TRMT9B: variants seen among roughly 807,000 people sequenced by gnomAD.
The protein encoded by TRMT9B is probable tRNA methyltransferase 9B.
A neutral mutation model predicts 11.5 loss-of-function variants in TRMT9B; 16 were observed. The observed-to-expected ratio is 1.39, with a 90% confidence interval of 0.94 to 2.11. The LOEUF (loss-of-function observed/expected upper bound fraction) is 2.11, where lower values mean the gene tolerates loss of function less well. Ranked by LOEUF, TRMT9B falls within the 30% of genes most tolerant of loss-of-function variation. The pLI, the probability that TRMT9B is intolerant of heterozygous loss-of-function variation, is 0.00. For synonymous variants in TRMT9B, 274 were observed against 192.4 expected, an observed-to-expected ratio of 1.42 and a Z score of -3.51; for missense variants, 941 against 553.8, an observed-to-expected ratio of 1.70 and a Z score of -7.02.
At chr8:12,998,409 A>C (rs1563391906) in intron 2 of TRMT9B, among the ~76,000 whole-genome samples, 1 of 152,218 alleles carries the variant, frequency 6.6e-6, no homozygotes, top group Non-Finnish European at 1.5e-5. Context: ...AACTGTTCTA[A>C]AGCCACGTGT....
At chr8:12,981,060 G>A (rs1805289164) in intron 1 of TRMT9B, among the ~76,000 whole-genome samples, 1 of 142,124 alleles carries the variant, frequency 7.0e-6, no homozygotes, top group African/African-American at 2.7e-5. Context: ...TTCCTTTTCT[G>A]GTGGTTTTGT....
intron 1 of TRMT9B, among the ~76,000 whole-genome samples, chr8:12,980,200 A>C (rs573134300): frequency 6.6e-6 from 1 of 152,156 alleles, no homozygotes; most frequent in South Asian, 2.1e-4. Context: ...CTCCCTTTGA[A>C]TTCTCCACAG....
In TRMT9B at chr8:12,957,737, C is replaced by T. The variant is rs571521247; in HGVS notation, c.-200+11771C>T. Among the ~76,000 whole-genome samples the T allele has an allele frequency of 6.9e-4, 105 of 152,302 alleles. 1 individual carries two copies. Among genetic ancestry groups the T allele is most frequent in the African/African-American group, 2.4e-3 (98 of 41,576 alleles). On this transcript the variant is annotated intron_variant, in intron 1 of 4. Transcript: ENST00000524591. The stretch of plus-strand genomic sequence containing the variant: ...TAGTATTATAGCTTGATTGCATTAA[C>T]TGCAACATTGATTTTAAAAAATTGT...
intron 4 of TRMT9B, among the ~76,000 whole-genome samples, chr8:13,013,065 C>A (rs1342508369): frequency 6.6e-6 from 1 of 152,180 alleles, no homozygotes; most frequent in Non-Finnish European, 1.5e-5. Context: ...ACTATTTAAA[C>A]CTTCAACTTG....
chr8:13,013,292 G>A (rs139210051), intron 4 of TRMT9B, among the ~76,000 whole-genome samples: 3 of 152,236 alleles, frequency 2.0e-5, no homozygotes, highest in Admixed American at 6.5e-5. Context: ...ATGTCACCTG[G>A]ACCAATCTGC....
At chr8:12,987,832 C>G (rs144419423) in intron 1 of TRMT9B, among the ~76,000 whole-genome samples, 105 of 152,314 alleles carry the variant, frequency 6.9e-4, no homozygotes, top group African/African-American at 2.2e-3. Flanking sequence ...ACTGTCAAAT[C>G]TCAGTTGTCT....
intron 1 of TRMT9B, among the ~76,000 whole-genome samples, chr8:12,977,544 T>C (rs536698623): frequency 1.6e-3 from 250 of 151,844 alleles, no homozygotes; most frequent in African/African-American, 5.9e-3. Flanking sequence ...CTACTAAAAA[T>C]ACAAAAATTA....
At position 13,006,755 on chromosome 8, in the gene TRMT9B, G is replaced by C. The variant is rs369152150; in HGVS notation, c.154+399G>C. 2.8e-4 allele frequency: 223 copies of C among 787,306 alleles called. No homozygotes were observed. The African/African-American group carries it at 3.7e-3, about 13-fold the overall frequency. The allele number at this position is 787,306 out of a possible 1,614,324, so 48.8% of individuals were successfully genotyped here. A position where few individuals can be genotyped will look rare whatever the true frequency, so the allele number is the denominator to read the frequency against. On this transcript the variant is annotated intron_variant, in intron 3 of 4. Transcript: ENST00000524591. ...GCAATCTCAGCTTGCTGCAAACTCC[G>C]CCTCCCAGGTTCAACTGATTCTCCT...
chr8:13,024,723 CG>C lies in TRMT9B; in HGVS notation c.*2680del, dbSNP rs779906371. On this transcript the variant is annotated 3_prime_UTR_variant, in exon 5 of 5. Transcript: ENST00000524591. The stretch of plus-strand genomic sequence containing the variant: ...CTTTGGAGAGAAATATTTTCATGTA[CG>C]TTTGACAGGGGTGTAAATAAAGCAT... 116 of 167,134 alleles carry C rather than the reference CG, an allele frequency of 6.9e-4. No individual in the cohort carries two copies. In the Middle Eastern group the frequency reaches 0.017, roughly 24 times the overall value. The allele number at this position is 167,134 out of a possible 1,614,324, so 10.4% of individuals were successfully genotyped here.
chr8:12,967,756 C>T (rs1169986883), intron 1 of TRMT9B, among the ~76,000 whole-genome samples: 1 of 152,134 alleles, frequency 6.6e-6, no homozygotes, highest in Admixed American at 6.5e-5. Flanking sequence ...TAGTGATGGT[C>T]AGTATGAAAG....
intron 1 of TRMT9B, among the ~76,000 whole-genome samples, chr8:12,986,905 C>A (rs751046744): frequency 6.6e-6 from 1 of 151,976 alleles, no homozygotes; most frequent in Non-Finnish European, 1.5e-5. Context: ...CATTGTGGAC[C>A]CATCCATGAA....
At chr8:13,019,345 G>A (rs888302475) in intron 4 of TRMT9B, among the ~76,000 whole-genome samples, 1 of 152,208 alleles carries the variant, frequency 6.6e-6, no homozygotes, top group African/African-American at 2.4e-5. Flanking sequence ...AGACTGGACT[G>A]CAGTGGCATG....
At chr8:13,013,182 A>G (rs1359107786) in intron 4 of TRMT9B, among the ~76,000 whole-genome samples, 1 of 152,102 alleles carries the variant, frequency 6.6e-6, no homozygotes, top group African/African-American at 2.4e-5. Flanking sequence ...ATGAAGCCAG[A>G]TTAATCCAAA....
chr8:12,954,058 T>G (rs184984836), intron 1 of TRMT9B, among the ~76,000 whole-genome samples: 1 of 152,282 alleles, frequency 6.6e-6, no homozygotes, highest in East Asian at 1.9e-4. Flanking sequence ...AGTTCAAAGG[T>G]TTTAATAAAA....
chr8:12,984,073 A>G (rs1805862195), intron 1 of TRMT9B, among the ~76,000 whole-genome samples: 1 of 152,206 alleles, frequency 6.6e-6, no homozygotes, highest in Non-Finnish European at 1.5e-5. Flanking sequence ...GGTGGCTGAG[A>G]TAGTGACGCC....
Position 13,022,145 on chromosome 8 carries a change from A to T in TRMT9B, c.*101A>T. ...TGCATTCAGTGTTATTTGTTAATCC[A>T]TTTACGCTTTGGTCTGCAGAGACTA... On this transcript the variant is annotated 3_prime_UTR_variant, in exon 5 of 5. Transcript: ENST00000524591. 1 of 858,784 alleles carries T rather than the reference A, an allele frequency of 1.2e-6. No homozygotes were observed. The highest frequency in any genetic ancestry group is 1.8e-6 in the Non-Finnish European group (1 of 562,826). 53.2% of individuals were successfully genotyped at this position (858,784 alleles called of 1,614,324 possible).
intron 1 of TRMT9B, among the ~76,000 whole-genome samples, chr8:12,949,195 G>A (rs1004231079): frequency 6.6e-6 from 1 of 150,962 alleles, no homozygotes; most frequent in African/African-American, 2.4e-5. Context: ...TCCATTCTAA[G>A]AACTCAAGTT....
intron 1 of TRMT9B, among the ~76,000 whole-genome samples, chr8:12,964,512 C>T (rs947532534): frequency 2.0e-5 from 3 of 152,144 alleles, no homozygotes; most frequent in Non-Finnish European, 4.4e-5. Flanking sequence ...GATAGAACTC[C>T]TTGAGGTTAA....
At chr8:12,960,428 A>G (rs971631795) in intron 1 of TRMT9B, 1 of 152,220 alleles carries the variant, frequency 6.6e-6, no homozygotes, top group African/African-American at 2.4e-5. Flanking sequence ...CAGTGTTCCC[A>G]GGCCTGCTCT....
Sources: gnomAD v4.1 joint callset for allele counts (sites outside exome capture counted in the v4.1 genomes callset) on GRCh38, gnomAD v4.1.1 for gene constraint, MANE v1.5 for transcripts, NCBI Gene and HGNC (gene_info 2026-07-23, HGNC 2026-07-21) for gene names.